The following TBC1D1 variants were observed in gnomAD, a reference collection of about 807,000 sequenced individuals.
TBC1D1 encodes the protein TBC1 domain family member 1.
In TBC1D1, 89 loss-of-function variants were observed where a neutral mutation model predicts 125.6. That is an observed-to-expected ratio of 0.71 (90% CI 0.60 to 0.85). The LOEUF (loss-of-function observed/expected upper bound fraction) is 0.85, where lower values mean the gene tolerates loss of function less well. Ranked by LOEUF, TBC1D1 falls within the 40% of genes least tolerant of loss-of-function variation. The pLI, the probability that TBC1D1 is intolerant of heterozygous loss-of-function variation, is 0.00. For missense variants in TBC1D1, 1,377 were observed against 1,469.2 expected, an observed-to-expected ratio of 0.94 and a Z score of 1.03; for synonymous variants, 565 against 564.1, an observed-to-expected ratio of 1.00 and a Z score of -0.02.
intron 2 of TBC1D1, among the ~76,000 whole-genome samples, chr4:37,944,881 G>A (rs1189063777): frequency 1.3e-5 from 2 of 152,156 alleles, no homozygotes; most frequent in African/African-American, 2.4e-5. Flanking sequence ...AGATGAACCC[G>A]GTACCTCATT....
Position 38,133,103 on chromosome 4 carries a change from C to T in TBC1D1, c.3152C>T (p.Ala1051Val), listed in dbSNP as rs1345877328. The T allele has an allele frequency of 2.5e-6, 4 of 1,613,170 alleles. No homozygotes were observed. In the South Asian group the frequency reaches 4.4e-5, roughly 18 times the overall value. ...TAACAGGTATTTGAAATGGACATCGCTAAACAGTTACAAGCTTATGAAGTT... is the reference window on the plus strand; with the variant it reads ...TAACAGGTATTTGAAATGGACATCGTTAAACAGTTACAAGCTTATGAAGTT... The change falls in exon 19 of 20, where the codon GCT becomes GTT. Residue 1051 changes from alanine to valine, a missense_variant. By Grantham distance (64) the Ala-to-Val change is moderately conservative (BLOSUM62 0). This residue lies in a region of TBC1D1 where 543 missense variants were observed against 613.5 expected (regional missense o/e 0.89). Coordinates refer to ENST00000261439, the MANE Select transcript of TBC1D1 (RefSeq NM_015173.4).
intron 12 of TBC1D1, among the ~76,000 whole-genome samples, chr4:38,084,014 T>G (rs1032089974): frequency 6.7e-6 from 1 of 149,866 alleles, no homozygotes; most frequent in Non-Finnish European, 1.5e-5. Flanking sequence ...CTTGGCTCAC[T>G]GCAAGCTCCG....
chr4:37,899,913 G>A (rs1390119224), intron 1 of TBC1D1, among the ~76,000 whole-genome samples: 3 of 152,076 alleles, frequency 2.0e-5, no homozygotes, highest in South Asian at 2.1e-4. Flanking sequence ...GAGGTCAGGA[G>A]ATCGAGACCA....
chr4:38,005,602 G>T (rs577287997), intron 2 of TBC1D1, among the ~76,000 whole-genome samples: 35 of 152,262 alleles, frequency 2.3e-4, no homozygotes, highest in Non-Finnish European at 4.3e-4. Context: ...CCCCGTACAG[G>T]GAACTTTTCT....
chr4:38,018,963 C>G (rs1743416996), intron 4 of TBC1D1, among the ~76,000 whole-genome samples: 1 of 151,840 alleles, frequency 6.6e-6, no homozygotes. Context: ...AAATTTATAA[C>G]TTTTTTAGGT....
At chr4:37,966,317 C>A (rs2152339152) in intron 2 of TBC1D1, among the ~76,000 whole-genome samples, 1 of 152,336 alleles carries the variant, frequency 6.6e-6, no homozygotes, top group Middle Eastern at 3.4e-3. Context: ...TGACCCTCAT[C>A]TGAAAGCTGA....
intron 6 of TBC1D1, 26 bp downstream of exon 6, chr4:38,021,744 G>A (rs1169250644): frequency 6.0e-6 from 9 of 1,510,744 alleles, no homozygotes; most frequent in African/African-American, 4.2e-5. Flanking sequence ...TTTCCAGCAT[G>A]AACACAGTGG....
chr4:38,115,627 A>T, intron 15 of TBC1D1, 83 bp from the exon 18 acceptor site: 1 of 1,471,012 alleles, frequency 6.8e-7, no homozygotes. Flanking sequence ...TTGCTGCTTA[A>T]TCTGAAGCAC....
chr4:38,097,357 T>TA (rs1553936637), intron 14 of TBC1D1, among the ~76,000 whole-genome samples: 1 of 144,802 alleles, frequency 6.9e-6, no homozygotes, highest in African/African-American at 2.6e-5. Flanking sequence ...TTTTTTTTTT[T>TA]AAGACAGAGT....
chr4:37,977,650 G>T lies in TBC1D1; in HGVS notation c.418-36859G>T. On this transcript the variant is annotated intron_variant, in intron 2 of 19. Coordinates refer to ENST00000261439, the MANE Select transcript of TBC1D1 (RefSeq NM_015173.4). This position sits in a 1 kb window ranked among gnomAD's most constrained non-coding sequence, Gnocchi z 4.3. ...CTGGAGGCCAGGCGCGGCGGGGGGC[G>T]AGCGGCGGGCGCGACCAGGTCGTTA... The T allele has an allele frequency of 5.2e-6, 1 of 192,204 alleles. No individual in the cohort carries two copies. The highest frequency in any genetic ancestry group is 1.6e-4 in the South Asian group (1 of 6,290). The allele number at this position is 192,204 out of a possible 1,614,324, so 11.9% of individuals were successfully genotyped here.
intron 2 of TBC1D1, among the ~76,000 whole-genome samples, chr4:37,973,617 T>C (rs1447798227): frequency 6.6e-6 from 1 of 152,144 alleles, no homozygotes; most frequent in Non-Finnish European, 1.5e-5. Context: ...ATGATGACAT[T>C]TGTCCTGGGT....
At chr4:38,020,829 A>G (rs559899635) in intron 5 of TBC1D1, 134 bp downstream of exon 5, 2 of 653,694 alleles carry the variant, frequency 3.1e-6, no homozygotes, top group South Asian at 3.8e-5. Context: ...TTTACTTATG[A>G]CTATTTAGTA....
At chr4:37,955,844 C>T (rs1728819553) in intron 2 of TBC1D1, among the ~76,000 whole-genome samples, 1 of 152,174 alleles carries the variant, frequency 6.6e-6, no homozygotes, top group African/African-American at 2.4e-5. Flanking sequence ...GATTATAATA[C>T]ATATTGTCAG....
At chr4:38,103,271 TACTACTGAG>T in intron 15 of TBC1D1, 114 bp downstream of exon 17, 1 of 1,066,792 alleles carries the variant, frequency 9.4e-7, no homozygotes. Flanking sequence ...AATCAAAATT[TACTACTGAG>T]ACTTTTAATT....
rs199925519 is a variant in TBC1D1 at position 38,096,102 on chromosome 4, T to A, written c.2398+12T>A. The A allele has an allele frequency of 4.3e-4, 698 of 1,609,402 alleles. 8 individuals carry two copies. The South Asian group carries it at 6.7e-3, about 15-fold the overall frequency. On this transcript the variant is annotated intron_variant, in intron 14 of 19. Coordinates refer to ENST00000261439, the MANE Select transcript of TBC1D1 (RefSeq NM_015173.4). ...GGCTGTTGGGCAAGGTAAGCTTCAT[T>A]GGGAAGCATCTAGTCAACCTCACCC...
At chr4:38,066,937 T>C (rs1350255845) in intron 12 of TBC1D1, among the ~76,000 whole-genome samples, 1 of 152,058 alleles carries the variant, frequency 6.6e-6, no homozygotes, top group East Asian at 1.9e-4. Flanking sequence ...AGTGCAGTGG[T>C]GCAATCTTGG....
chr4:37,938,676 C>T (rs771223008), intron 2 of TBC1D1, among the ~76,000 whole-genome samples: 2 of 152,076 alleles, frequency 1.3e-5, no homozygotes, highest in Non-Finnish European at 1.5e-5. Flanking sequence ...TGCTATGCCT[C>T]CCTCCTCCCC....
Position 38,034,974 on chromosome 4 carries a change from T to C in TBC1D1, c.1303-614T>C, listed in dbSNP as rs1746924442. Among the ~76,000 whole-genome samples the C allele has an allele frequency of 2.6e-5, 4 of 152,328 alleles. No homozygotes were observed. In the South Asian group the frequency reaches 8.3e-4, roughly 32 times the overall value. ...AGAATTAAGGGGCTTGGCTTCACAC[T>C]TCTCGGCAGCAGCCGGAACCTACAT... On this transcript the variant is annotated intron_variant, in intron 7 of 19. Coordinates refer to ENST00000261439, the MANE Select transcript of TBC1D1 (RefSeq NM_015173.4).
chr4:37,963,143 AT>A (rs1362297747), intron 2 of TBC1D1, among the ~76,000 whole-genome samples: 2 of 152,236 alleles, frequency 1.3e-5, no homozygotes, highest in African/African-American at 2.4e-5. Flanking sequence ...GCTTACACTC[AT>A]TTTTAAACTG....
Sources: gnomAD v4.1 joint callset for allele counts (sites outside exome capture counted in the v4.1 genomes callset) on GRCh38, gnomAD v4.1.1 for gene constraint, gnomAD v4.1.1 regional missense constraint, Gnocchi (gnomAD v3.1) non-coding constraint, MANE v1.5 for transcripts, NCBI Gene and HGNC (gene_info 2026-07-23, HGNC 2026-07-21) for gene names.